Variants in FNDC3A observed in about 807,000 individuals in gnomAD.
FNDC3A encodes fibronectin type III domain containing 3A, also known as fibronectin type-III domain-containing protein 3A.
Under a neutral mutation model 148.9 loss-of-function variants are expected in FNDC3A, and 32 were observed. The observed-to-expected ratio is 0.21, with a 90% CI of 0.16 to 0.29. FNDC3A has a LOEUF of 0.29. Ranked by LOEUF, FNDC3A falls within the 10% of genes least tolerant of loss-of-function variation. FNDC3A has a pLI of 1.00. For synonymous variants in FNDC3A, 472 were observed against 473.6 expected, an observed-to-expected ratio of 1.00 and a Z score of 0.04; for missense variants, 1,191 against 1,452.8, an observed-to-expected ratio of 0.82 and a Z score of 2.93.
chr13:49,003,149 T>G (rs2137591927), intron 1 of FNDC3A, among the ~76,000 whole-genome samples: 1 of 152,260 alleles, frequency 6.6e-6, no homozygotes, highest in East Asian at 1.9e-4. Flanking sequence ...CACTGCAACC[T>G]CCACCTCCCA....
Position 49,062,605 on chromosome 13 carries a change from T to C in FNDC3A, c.100-12684T>C, listed in dbSNP as rs1460404374. ...CTCTCCTTGAAGTTTCCTTTTCCTG[T>C]CTTTATCTTGCAGACTTCTGCTTGT... On this transcript the variant is annotated intron_variant, in intron 2 of 25. Coordinates refer to ENST00000492622, the MANE Select transcript of FNDC3A (RefSeq NM_001079673.2). 5.3e-5 allele frequency among the ~76,000 whole-genome samples: 8 copies of C among 152,204 alleles called. 1 individual carries two copies. The highest frequency in any genetic ancestry group is 5.2e-4 in the Admixed American group (8 of 15,280).
At chr13:49,198,656 G>T (rs549678858) in intron 23 of FNDC3A, 82 bp downstream of exon 23, 1 of 1,149,270 alleles carries the variant, frequency 8.7e-7, no homozygotes, top group Admixed American at 1.9e-5. Flanking sequence ...AGTAGGCCAG[G>T]TGTGGTGGCT....
At chr13:49,059,735 G>T (rs1283341958) in intron 2 of FNDC3A, among the ~76,000 whole-genome samples, 3 of 152,174 alleles carry the variant, frequency 2.0e-5, no homozygotes, top group Admixed American at 1.3e-4. Context: ...GGGATTACAG[G>T]CATGAGCCAT....
chr13:49,151,580 T>TTA (rs1883299680), intron 8 of FNDC3A, among the ~76,000 whole-genome samples: 2 of 152,152 alleles, frequency 1.3e-5, no homozygotes, highest in African/African-American at 4.8e-5. Context: ...TTTTGTTTTT[T>TTA]TTATTATTAT....
chr13:49,163,393 T>C lies in FNDC3A; in HGVS notation c.978-3851T>C, dbSNP rs1884276066. On this transcript the variant is annotated intron_variant, in intron 8 of 25. Coordinates refer to ENST00000492622, the MANE Select transcript of FNDC3A (RefSeq NM_001079673.2). ...ACCTGGCAGTTCGATCTCAGACTAC[T>C]CTGCTAGCAGTAAGCAAGGCTCTGT... 3.9e-5 allele frequency among the ~76,000 whole-genome samples: 6 copies of C among 152,186 alleles called. No homozygotes were observed. In the South Asian group the frequency reaches 1.2e-3, roughly 32 times the overall value.
intron 2 of FNDC3A, among the ~76,000 whole-genome samples, chr13:49,055,644 CA>C (rs1876181994): frequency 6.6e-6 from 1 of 152,138 alleles, no homozygotes; most frequent in African/African-American, 2.4e-5. Flanking sequence ...CTCTTTCAAC[CA>C]ATTGCCAATC....
At chr13:49,045,603 G>T in intron 2 of FNDC3A, 1 of 502,620 alleles carries the variant, frequency 2.0e-6, no homozygotes, top group South Asian at 3.7e-5. Context: ...AAATGAGAAG[G>T]CAACAAAGGT....
intron 4 of FNDC3A, among the ~76,000 whole-genome samples, chr13:49,130,885 C>A (rs541288308): frequency 6.6e-6 from 1 of 152,224 alleles, no homozygotes; most frequent in East Asian, 1.9e-4. Context: ...TCTGCCTCAG[C>A]CTCCCAAGTA....
At position 49,054,406 on chromosome 13, in the gene FNDC3A, A is replaced by G. The variant is rs182097473; in HGVS notation, c.100-20883A>G. Among the ~76,000 whole-genome samples the G allele has an allele frequency of 2.2e-3, 336 of 152,324 alleles. 1 individual carries two copies. Among genetic ancestry groups the G allele is most frequent in the African/African-American group, 7.6e-3 (317 of 41,570 alleles). The stretch of plus-strand genomic sequence containing the variant: ...AGAAGATACATTCAGGACTATTCCT[A>G]TCAGACCCACTACTGCCCCACACAT... On this transcript the variant is annotated intron_variant, in intron 2 of 25. Coordinates refer to ENST00000492622, the MANE Select transcript of FNDC3A (RefSeq NM_001079673.2).
At chr13:49,183,597 T>C (rs1489915443) in intron 14 of FNDC3A, among the ~76,000 whole-genome samples, 1 of 152,178 alleles carries the variant, frequency 6.6e-6, no homozygotes, top group African/African-American at 2.4e-5. Flanking sequence ...ATTAAATGAA[T>C]ATAGTTTTTA....
intron 3 of FNDC3A, among the ~76,000 whole-genome samples, chr13:49,093,242 A>T (rs1350187887): frequency 1.3e-5 from 2 of 152,190 alleles, no homozygotes; most frequent in Non-Finnish European, 2.9e-5. Context: ...TGCCCCATAC[A>T]TACAGAAATT....
At chr13:49,114,764 T>TC (rs1196695640) in intron 4 of FNDC3A, 33 bp downstream of exon 4, 3 of 1,316,256 alleles carry the variant, frequency 2.3e-6, no homozygotes, top group Non-Finnish European at 3.3e-6. Flanking sequence ...TTTTCATATT[T>TC]GTATAATAGT....
intron 14 of FNDC3A, among the ~76,000 whole-genome samples, chr13:49,184,957 G>A (rs1379777091): frequency 6.7e-6 from 1 of 148,764 alleles, no homozygotes; most frequent in Admixed American, 6.7e-5. Flanking sequence ...GGGGGAGGGG[G>A]GTGGGCAGCA....
intron 7 of FNDC3A, among the ~76,000 whole-genome samples, chr13:49,145,388 A>G (rs1307961106): frequency 6.6e-6 from 1 of 152,208 alleles, no homozygotes; most frequent in Non-Finnish European, 1.5e-5. Context: ...ATTTATATTT[A>G]CATATCTTTG....
At chr13:48,994,096 A>G (rs1484330622) in intron 1 of FNDC3A, among the ~76,000 whole-genome samples, 1 of 152,240 alleles carries the variant, frequency 6.6e-6, no homozygotes, top group Non-Finnish European at 1.5e-5. Context: ...TCATATATCC[A>G]GATGAAAAGA....
Position 49,060,622 on chromosome 13 carries a change from C to T in FNDC3A, c.100-14667C>T, listed in dbSNP as rs1272198457. On this transcript the variant is annotated intron_variant, in intron 2 of 25. Coordinates refer to ENST00000492622, the MANE Select transcript of FNDC3A (RefSeq NM_001079673.2). ...TTGTGCCACTGCACTCCAGCCTGGG[C>T]GACAGAACGAGACTCGGTCTCAAAA... is the stretch of plus-strand genomic sequence containing the variant. Among the ~76,000 whole-genome samples the T allele has an allele frequency of 9.6e-5, 11 of 114,158 alleles. No homozygotes were observed. In the South Asian group the frequency reaches 1.2e-3, roughly 12 times the overall value. 74.9% of individuals were successfully genotyped at this position (114,158 alleles called of 152,430 possible).
intron 8 of FNDC3A, among the ~76,000 whole-genome samples, chr13:49,165,839 CA>C (rs1328243371): frequency 6.6e-6 from 1 of 152,178 alleles, no homozygotes; most frequent in African/African-American, 2.4e-5. Flanking sequence ...AGCCAGTCCC[CA>C]GGCCCACAGG....
intron 3 of FNDC3A, among the ~76,000 whole-genome samples, chr13:49,091,275 A>C (rs1187335674): frequency 6.6e-6 from 1 of 151,928 alleles, no homozygotes; most frequent in Non-Finnish European, 1.5e-5. Flanking sequence ...ATTCAAAGGA[A>C]AAAAAAAGAA....
chr13:48,998,328 A>C (rs777346048), intron 1 of FNDC3A, among the ~76,000 whole-genome samples: 5 of 152,212 alleles, frequency 3.3e-5, no homozygotes, highest in Non-Finnish European at 5.9e-5. Context: ...TAAAAAGCTC[A>C]AAAATCTGAA....
Sources: gnomAD v4.1 joint callset for allele counts (sites outside exome capture counted in the v4.1 genomes callset) on GRCh38, gnomAD v4.1.1 for gene constraint, MANE v1.5 for transcripts, NCBI Gene and HGNC (gene_info 2026-07-23, HGNC 2026-07-21) for gene names.